The following CDH5 variants were observed in gnomAD, a reference collection of about 807,000 sequenced individuals.
CDH5 encodes cadherin-5.
Under a neutral mutation model 62.0 loss-of-function variants are expected in CDH5, and 28 were observed. The ratio of observed to expected loss-of-function variants is 0.45; its 90% CI spans 0.33 to 0.62. The LOEUF is 0.62. Among genes scored for constraint, CDH5 ranks in the 20% least tolerant of loss-of-function variants. The probability of loss-of-function intolerance (pLI) is 0.02; values close to 1 mark genes in which losing one functional copy is unlikely to be tolerated. For synonymous variants in CDH5, 464 were observed against 445.8 expected, an observed-to-expected ratio of 1.04 and a Z score of -0.52; for missense variants, 940 against 1,065.1, an observed-to-expected ratio of 0.88 and a Z score of 1.63.
intron 5 of CDH5, among the ~76,000 whole-genome samples, chr16:66,390,130 G>C (rs1004149721): frequency 4.6e-5 from 7 of 152,226 alleles, no homozygotes; most frequent in African/African-American, 1.2e-4. Context: ...CCTGAAGGCA[G>C]GACTTGTCTC....
chr16:66,374,078 G>A (rs1960741248), intron 1 of CDH5, among the ~76,000 whole-genome samples: 1 of 152,184 alleles, frequency 6.6e-6, no homozygotes, highest in African/African-American at 2.4e-5. Context: ...TGTGAACTGA[G>A]ATGACTTACG....
At position 66,402,711 on chromosome 16, in the gene CDH5, A is replaced by C; in HGVS notation, c.1897A>C (p.Lys633Gln). 1 of 1,609,582 alleles carries C rather than the reference A, an allele frequency of 6.2e-7. No homozygotes were observed. Among genetic ancestry groups the C allele is most frequent in the Non-Finnish European group, 8.5e-7 (1 of 1,179,138 alleles). The change falls in exon 12 of 12, where the codon AAG (lysine) becomes CAG (glutamine). Residue 633 changes from lysine (K) to glutamine (Q), a missense_variant. Coordinates refer to ENST00000341529, the MANE Select transcript of CDH5 (RefSeq NM_001795.5). ...RLRKQARAHG[K>Q]SVPEIHEQLV... is the part of the protein sequence containing the mutation. ...CCGGAAGCAGGCCCGCGCGCACGGC[A>C]AGAGCGTGCCGGAGATCCACGAGCA...
At chr16:66,368,340 C>G (rs1402547713) in intron 1 of CDH5, among the ~76,000 whole-genome samples, 1 of 152,168 alleles carries the variant, frequency 6.6e-6, no homozygotes, top group Admixed American at 6.5e-5. Context: ...TGCTGAGCCC[C>G]TGAGCAGCCC....
At position 66,379,357 on chromosome 16, in the gene CDH5, T is replaced by C; in HGVS notation, c.20T>C (p.Leu7Pro). The C allele has an allele frequency of 6.2e-7, 1 of 1,612,524 alleles. No individual in the cohort carries two copies. The highest frequency in any genetic ancestry group is 8.5e-7 in the Non-Finnish European group (1 of 1,179,312). The change falls in exon 2 of 12, where the codon CTC becomes CCC. Residue 7 changes from leucine to proline, a missense_variant. By Grantham distance (98) the Leu-to-Pro change is moderately conservative. Transcript: ENST00000341529. ...GGGAAGATGCAGAGGCTCATGATGC[T>C]CCTCGCCACATCGGGCGCCTGCCTG... The part of the protein sequence containing the change: MQRLMM[L>P]LATSGACLGL...
chr16:66,368,599 G>A (rs1236161460), intron 1 of CDH5, among the ~76,000 whole-genome samples: 3 of 152,184 alleles, frequency 2.0e-5, no homozygotes, highest in Non-Finnish European at 4.4e-5. Flanking sequence ...TTGCCCACAT[G>A]GACCCATGAC....
chr16:66,400,662 G>A, intron 10 of CDH5, 109 bp from the exon 11 acceptor site: 1 of 1,324,858 alleles, frequency 7.5e-7, no homozygotes, highest in Non-Finnish European at 1.1e-6. Flanking sequence ...CAGAAAAGCA[G>A]CCCAGGGAGC....
chr16:66,384,398 C>T (rs185928809), intron 2 of CDH5, among the ~76,000 whole-genome samples: 3 of 151,810 alleles, frequency 2.0e-5, no homozygotes, highest in Admixed American at 6.6e-5. Context: ...CCCCCGAGTC[C>T]AGCCTTTCTA....
intron 1 of CDH5, 184 bp from the exon 2 acceptor site, chr16:66,379,135 C>A: frequency 1.8e-6 from 1 of 545,594 alleles, no homozygotes; most frequent in Non-Finnish European, 3.2e-6. Flanking sequence ...GTCCTAAAAC[C>A]GACCTTTCAT....
intron 2 of CDH5, among the ~76,000 whole-genome samples, chr16:66,384,661 CAAA>C (rs10630303): frequency 5.9e-5 from 6 of 101,594 alleles, no homozygotes; most frequent in Admixed American, 1.1e-4. Flanking sequence ...GTACCTGTCT[CAAA>C]AAAAAAAAAA....
At chr16:66,369,070 T>G (rs1374453330) in intron 1 of CDH5, among the ~76,000 whole-genome samples, 1 of 152,180 alleles carries the variant, frequency 6.6e-6, no homozygotes, top group Admixed American at 6.5e-5. Context: ...TGCACCTCAG[T>G]CTTCCCATCT....
chr16:66,375,615 C>T (rs993208398), intron 1 of CDH5, among the ~76,000 whole-genome samples: 4 of 152,048 alleles, frequency 2.6e-5, no homozygotes, highest in African/African-American at 9.7e-5. Context: ...AGTGGAGCTT[C>T]CAGGACTAGT....
At chr16:66,401,129 C>T (rs1961274975) in intron 11 of CDH5, 113 bp downstream of exon 11, 10 of 1,392,144 alleles carry the variant, frequency 7.2e-6, no homozygotes, top group Non-Finnish European at 9.9e-6. Context: ...AGGCCCAACC[C>T]TGCCTCCAAT....
chr16:66,383,259 C>G (rs1960928251), intron 2 of CDH5, among the ~76,000 whole-genome samples: 1 of 152,090 alleles, frequency 6.6e-6, no homozygotes, highest in Non-Finnish European at 1.5e-5. Flanking sequence ...ACTATGCCCT[C>G]TGGTAAATAA....
rs1960843973 is a variant in CDH5, at chr16:66,379,391, G to A, written c.54G>A (p.Leu18=). The A allele has an allele frequency of 4.3e-6, 7 of 1,614,064 alleles. No individual in the cohort carries two copies. Among genetic ancestry groups the A allele is most frequent in the Non-Finnish European group, 5.9e-6 (7 of 1,179,992 alleles). ...CATCGGGCGCCTGCCTGGGCCTGCT[G>A]GCAGTGGCAGCAGTGGCAGCAGCAG... ...LATSGACLGL[L]AVAAVAAAGA... The change falls in exon 2 of 12, where the codon CTG becomes CTA. Residue 18 remains leucine (L), a synonymous_variant. Coordinates refer to ENST00000341529, the MANE Select transcript of CDH5 (RefSeq NM_001795.5).
Position 66,379,511 on chromosome 16 carries a change from A to G in CDH5, c.174A>G (p.Glu58=), listed in dbSNP as rs777536196. Residue 58 remains glutamate, a synonymous_variant, in exon 2 of 12, where the codon GAA becomes GAG. Coordinates refer to ENST00000341529, the MANE Select transcript of CDH5 (RefSeq NM_001795.5). ...DWIWNQMHID[E]EKNTSLPHHV... ...TTTGGAACCAGATGCACATTGATGAAGAGAAAAACACCTCACTTCCCCATC... is the reference window on the plus strand; with the variant it reads ...TTTGGAACCAGATGCACATTGATGAGGAGAAAAACACCTCACTTCCCCATC... 6.8e-6 allele frequency: 11 copies of G among 1,614,126 alleles called. No homozygotes were observed. The South Asian group carries it at 1.2e-4, about 18-fold the overall frequency.
In CDH5 at chr16:66,390,607, C is replaced by A; in HGVS notation, c.969+17C>A. ...CCCATGAAGGTTTGTAGGCCAATGG[C>A]AACAATGTCAAACGTGAGGCTTGGG... On this transcript the variant is annotated intron_variant, in intron 6 of 11. Transcript: ENST00000341529. The A allele has an allele frequency of 6.2e-7, 1 of 1,611,514 alleles. No homozygotes were observed. Among genetic ancestry groups the A allele is most frequent in the Non-Finnish European group, 8.5e-7 (1 of 1,178,040 alleles).
intron 8 of CDH5, among the ~76,000 whole-genome samples, chr16:66,396,411 G>A (rs1289604812): frequency 6.6e-6 from 1 of 152,078 alleles, no homozygotes; most frequent in African/African-American, 2.4e-5. Flanking sequence ...TTGCATCTCG[G>A]GCCTCACCCC....
At chr16:66,372,810 C>A (rs1032231279) in intron 1 of CDH5, among the ~76,000 whole-genome samples, 7 of 152,200 alleles carry the variant, frequency 4.6e-5, no homozygotes. Context: ...GCCCACTCAC[C>A]AGGGGATTCG....
intron 6 of CDH5, among the ~76,000 whole-genome samples, chr16:66,391,703 G>A (rs1845077040): frequency 1.3e-5 from 2 of 152,168 alleles, no homozygotes; most frequent in Non-Finnish European, 2.9e-5. Context: ...AACCTGGGAG[G>A]TGGAAGTTGT....
Sources: gnomAD v4.1 joint callset for allele counts (sites outside exome capture counted in the v4.1 genomes callset) on GRCh38, gnomAD v4.1.1 for gene constraint, MANE v1.5 for transcripts, NCBI Gene and HGNC (gene_info 2026-07-23, HGNC 2026-07-21) for gene names.